GPHN: variants seen among roughly 807,000 people sequenced by gnomAD.
GPHN encodes gephyrin.
Under a neutral mutation model 95.5 loss-of-function variants are expected in GPHN, and 17 were observed. The observed-to-expected ratio is 0.18, with a 90% CI of 0.12 to 0.27. The LOEUF (loss-of-function observed/expected upper bound fraction) is 0.27, where lower values mean the gene tolerates loss of function less well. Ranked by LOEUF, GPHN falls within the 10% of genes least tolerant of loss-of-function variation. The pLI is 1.00. For synonymous variants in GPHN, 320 were observed against 322.5 expected (o/e 0.99, Z 0.08); for missense variants, 660 against 978.1 (o/e 0.67, Z 4.34).
At chr14:66,632,011 C>T (rs917533729) in intron 1 of GPHN, among the ~76,000 whole-genome samples, 6 of 152,092 alleles carry the variant, frequency 3.9e-5, no homozygotes, top group African/African-American at 7.2e-5. Flanking sequence ...ATTTCCTATT[C>T]GTATCATTGG....
intron 8 of GPHN, among the ~76,000 whole-genome samples, chr14:66,954,527 T>C (rs2068349258): frequency 6.6e-6 from 1 of 152,208 alleles, no homozygotes; most frequent in Admixed American, 6.5e-5. Context: ...CTTGTTCTTT[T>C]TGTGGATGTT....
chr14:66,795,561 G>T (rs915107925), intron 3 of GPHN, among the ~76,000 whole-genome samples: 4 of 151,450 alleles, frequency 2.6e-5, no homozygotes, highest in South Asian at 2.1e-4. Flanking sequence ...TATATTCTTC[G>T]AATGTGTTTT....
chr14:66,736,162 T>A (rs535980320), intron 2 of GPHN, among the ~76,000 whole-genome samples: 107 of 152,206 alleles, frequency 7.0e-4, no homozygotes, highest in African/African-American at 1.8e-3. Flanking sequence ...CTTTTTTTTT[T>A]AAATTCTTAG....
chr14:67,064,782 C>T (rs924152232), intron 11 of GPHN, among the ~76,000 whole-genome samples: 1 of 151,952 alleles, frequency 6.6e-6, no homozygotes, highest in African/African-American at 2.4e-5. Context: ...TGGTGATATC[C>T]CCTTTATCAT....
chr14:66,827,528 G>T (rs939899590), intron 4 of GPHN, among the ~76,000 whole-genome samples: 1 of 152,164 alleles, frequency 6.6e-6, no homozygotes, highest in Non-Finnish European at 1.5e-5. Flanking sequence ...AGGTGGCTGT[G>T]ACCGTTCAGT....
At position 66,576,351 on chromosome 14, in the gene GPHN, AT is replaced by A. The variant is rs776034851; in HGVS notation, c.64+67771del. Among the ~76,000 whole-genome samples, 584 of 146,602 alleles carry A rather than the reference AT, an allele frequency of 4.0e-3. 12 individuals are homozygous for A. Among genetic ancestry groups the A allele is most frequent in the African/African-American group, 0.013 (532 of 40,036 alleles). ...TTTAGCTCTTTAAAAATAAACCTGG[AT>A]TTTTTTTTTTCAAGAGGGAAAGAGT... On this transcript the variant is annotated intron_variant, in intron 1 of 22. Transcript: ENST00000478722.
chr14:66,737,613 C>G (rs1239450026), intron 2 of GPHN, among the ~76,000 whole-genome samples: 1 of 152,116 alleles, frequency 6.6e-6, no homozygotes, highest in African/African-American at 2.4e-5. Flanking sequence ...GAAAGCCTGG[C>G]TTTTAAGCAC....
the GPHN span, among the ~76,000 whole-genome samples, chr14:67,313,442 A>T: frequency 1.3e-5 from 2 of 152,110 alleles, no homozygotes; most frequent in Non-Finnish European, 2.9e-5. Flanking sequence ...CCACCATCAT[A>T]TATATGGTTG....
chr14:67,048,609 T>A (rs1436862099), intron 10 of GPHN, among the ~76,000 whole-genome samples: 1 of 152,196 alleles, frequency 6.6e-6, no homozygotes. Context: ...GGGGAAGATG[T>A]CTAGACTCCC....
chr14:66,931,055 C>T (rs1359201363), intron 8 of GPHN, among the ~76,000 whole-genome samples: 3 of 152,050 alleles, frequency 2.0e-5, no homozygotes, highest in Non-Finnish European at 2.9e-5. Context: ...GATGAAACCC[C>T]TCAGCTTTTG....
the GPHN span, among the ~76,000 whole-genome samples, chr14:67,419,579 C>T: frequency 6.6e-6 from 1 of 152,186 alleles, no homozygotes; most frequent in Non-Finnish European, 1.5e-5. Context: ...AGGCTGCATC[C>T]AGGCGGGGGG....
At chr14:67,340,246 G>A in the GPHN span, 2 of 533,680 alleles carry the variant, frequency 3.7e-6, no homozygotes, top group African/African-American at 1.9e-5. Context: ...GAAATGCCAT[G>A]TTATAGGTAC....
the GPHN span, among the ~76,000 whole-genome samples, chr14:67,520,574 C>T: frequency 7.9e-3 from 1,203 of 152,292 alleles, 20 homozygotes; most frequent in African/African-American, 0.028. Flanking sequence ...AGATTATTTA[C>T]CCATCACCTA....
intron 5 of GPHN, among the ~76,000 whole-genome samples, chr14:66,907,910 C>G (rs1274731815): frequency 6.6e-6 from 1 of 151,830 alleles, no homozygotes; most frequent in African/African-American, 2.4e-5. Context: ...GGGGAAGAGG[C>G]TAGAATGATC....
chr14:67,150,418 G>A (rs1256854495), intron 18 of GPHN, among the ~76,000 whole-genome samples: 1 of 127,314 alleles, frequency 7.9e-6, no homozygotes, highest in East Asian at 2.3e-4. Flanking sequence ...TCCAGCCTGG[G>A]CGACAGAGCG....
At chr14:67,705,648 T>A in the GPHN span, among the ~76,000 whole-genome samples, 2 of 152,220 alleles carry the variant, frequency 1.3e-5, no homozygotes, top group African/African-American at 4.8e-5. Context: ...CCAATGTTAA[T>A]TTCCTGGTTT....
chr14:67,695,494 A>AC, the GPHN span: 7 of 803,180 alleles, frequency 8.7e-6, no homozygotes, highest in Admixed American at 2.2e-4. Flanking sequence ...CTCGCCTCCA[A>AC]CCCACCGAAC....
At position 66,508,494 on chromosome 14, in the gene GPHN, G is replaced by C; in HGVS notation, c.-34G>C. On this transcript the variant is annotated 5_prime_UTR_variant, in exon 1 of 23. Coordinates refer to ENST00000478722, the MANE Select transcript of GPHN (RefSeq NM_020806.5). Reference sequence around the variant, plus strand: ...CGCGCTCCGGGCTCCGGTTTCTCCCGGCTCCTGTCAGTGCGGTGACTGCGC... The same window carrying C: ...CGCGCTCCGGGCTCCGGTTTCTCCCCGCTCCTGTCAGTGCGGTGACTGCGC... The C allele has an allele frequency of 1.2e-6, 2 of 1,608,088 alleles. No homozygotes were observed. The highest frequency in any genetic ancestry group is 1.3e-5 in the African/African-American group (1 of 74,926).
intron 11 of GPHN, among the ~76,000 whole-genome samples, chr14:67,065,202 T>C (rs1246537060): frequency 6.6e-6 from 1 of 152,244 alleles, no homozygotes; most frequent in African/African-American, 2.4e-5. Context: ...CCAGTAGTCA[T>C]TCAGGAGCAG....
Sources: allele counts gnomAD v4.1 joint callset (sites outside exome capture counted in the v4.1 genomes callset), GRCh38; gene constraint gnomAD v4.1.1; transcripts MANE v1.5; gene names NCBI Gene and HGNC (gene_info 2026-07-23, HGNC 2026-07-21).